ABCA3: variants seen among roughly 807,000 people sequenced by gnomAD.
ABCA3 encodes the protein ATP binding cassette subfamily A member 3, also known as phospholipid-transporting ATPase ABCA3.
In ABCA3, 88 loss-of-function variants were observed where a neutral mutation model predicts 172.8. The ratio of observed to expected loss-of-function variants is 0.51; its 90% confidence interval spans 0.43 to 0.61. The LOEUF (loss-of-function observed/expected upper bound fraction) is 0.61. Among genes scored for constraint, ABCA3 ranks in the 20% least tolerant of loss-of-function variants. The pLI, the probability that ABCA3 is intolerant of heterozygous loss-of-function variation, is 0.00. For synonymous variants in ABCA3, 1,066 were observed against 983.8 expected (o/e 1.08, Z -1.56); for missense variants, 2,164 against 2,301.0 (o/e 0.94, Z 1.22).
chr16:2,321,661 G>A (rs1385614309), intron 7 of ABCA3, among the ~76,000 whole-genome samples: 2 of 152,080 alleles, frequency 1.3e-5, no homozygotes, highest in Non-Finnish European at 2.9e-5. Context: ...TCCAAGACAA[G>A]ACCATGCTTC....
At position 2,308,463 on chromosome 16, in the gene ABCA3, T is replaced by G; in HGVS notation, c.1272A>C (p.Lys424Asn). The change falls in exon 11 of 33, where the codon AAA (lysine) becomes AAC (asparagine). Residue 424 changes from lysine (K) to asparagine (N), a missense_variant. Transcript: ENST00000301732. The part of the protein sequence containing the change: ...AMAMGAQLIG[K>N]FEAKGMGIQW... ...GCAAACACTCACCTTTCGCCTCAAA[T>G]TTCCCAATGAGCTGGGCTCCCATTG... The G allele has an allele frequency of 1.1e-5, 17 of 1,614,172 alleles. No individual in the cohort carries two copies. The highest frequency in any genetic ancestry group is 1.4e-5 in the Non-Finnish European group (17 of 1,180,004).
intron 5 of ABCA3, among the ~76,000 whole-genome samples, chr16:2,325,271 G>A (rs1476192308): frequency 2.6e-5 from 4 of 152,132 alleles, no homozygotes; most frequent in Non-Finnish European, 5.9e-5. Context: ...CCTGGCTCAA[G>A]TCCACCCAGG....
chr16:2,299,856 C>T, intron 13 of ABCA3, 149 bp downstream of exon 13: 1 of 1,158,804 alleles, frequency 8.6e-7, no homozygotes, highest in East Asian at 2.3e-5. Context: ...GGTTAGAGGG[C>T]AGCGGAGGGT....
intron 1 of ABCA3, chr16:2,339,182 G>A (rs532256080): frequency 6.6e-6 from 1 of 152,382 alleles, no homozygotes; most frequent in Non-Finnish European, 1.5e-5. Flanking sequence ...TGGCAAACTA[G>A]GGATCTTACC....
At position 2,297,013 on chromosome 16, in the gene ABCA3, G is replaced by A. The variant is rs914228011; in HGVS notation, c.2263+316C>T. Among the ~76,000 whole-genome samples, 15 of 152,308 alleles carry A rather than the reference G, an allele frequency of 9.8e-5. No homozygotes were observed. The highest frequency in any genetic ancestry group is 3.4e-4 in the African/African-American group (14 of 41,574). On this transcript the variant is annotated intron_variant, in intron 17 of 32. Coordinates refer to ENST00000301732, the MANE Select transcript of ABCA3 (RefSeq NM_001089.3). This position sits in a 1 kb window ranked among gnomAD's most constrained non-coding sequence, Gnocchi z 5.6. ...GCCATGCTGTGAGCTGCTCTCACGT[G>A]GGAGCTGCCATGTTGGTGCGTGTGT...
intron 1 of ABCA3, among the ~76,000 whole-genome samples, chr16:2,335,955 A>C (rs781216579): frequency 6.6e-4 from 101 of 152,300 alleles, no homozygotes; most frequent in Non-Finnish European, 1.4e-3. Context: ...CTTTTGTGAA[A>C]AGTTCCAAAT....
chr16:2,309,708 C>T (rs1448882215), intron 10 of ABCA3, among the ~76,000 whole-genome samples: 2 of 152,198 alleles, frequency 1.3e-5, no homozygotes, highest in Non-Finnish European at 2.9e-5. Context: ...GCCTCCACCT[C>T]CCGGGCCCAA....
intron 10 of ABCA3, among the ~76,000 whole-genome samples, chr16:2,313,551 A>ATCT (rs2093709924): frequency 8.7e-6 from 1 of 115,364 alleles, no homozygotes; most frequent in Admixed American, 8.7e-5. Context: ...AGACTCTGTC[A>ATCT]CAAAAAAAAA....
At chr16:2,316,140 G>GAAA (rs534232946) in intron 10 of ABCA3, among the ~76,000 whole-genome samples, 1 of 57,818 alleles carries the variant, frequency 1.7e-5, no homozygotes, top group Non-Finnish European at 3.4e-5. Flanking sequence ...AACATGGTGA[G>GAAA]AAAAAAAAAA....
chr16:2,299,512 C>T lies in ABCA3; in HGVS notation c.1632G>A (p.Lys544=), dbSNP rs1350792157. Residue 544 remains lysine (K), a synonymous_variant, in exon 14 of 33, where the codon AAG becomes AAA. Coordinates refer to ENST00000301732, the MANE Select transcript of ABCA3 (RefSeq NM_001089.3). The part of the protein sequence containing the change: ...HLSKVFRVGN[K]DRAAVRDLNL... ...TCAGGTCTCTGACGGCCGCCCTGTCCTTATTTCCCACCCTGAACACCTGCA... is the reference window on the plus strand; with the variant it reads ...TCAGGTCTCTGACGGCCGCCCTGTCTTTATTTCCCACCCTGAACACCTGCA... 1 of 1,613,658 alleles carries T rather than the reference C, an allele frequency of 6.2e-7. No individual in the cohort carries two copies. The highest frequency in any genetic ancestry group is 1.1e-5 in the South Asian group (1 of 91,074).
chr16:2,277,864 G>A lies in ABCA3; in HGVS notation c.4909+15C>T, dbSNP rs758683643. 3.8e-5 allele frequency: 61 copies of A among 1,607,594 alleles called. No homozygotes were observed. The East Asian group carries it at 4.0e-4, about 11-fold the overall frequency. On this transcript the variant is annotated intron_variant, in intron 31 of 32. Coordinates refer to ENST00000301732, the MANE Select transcript of ABCA3 (RefSeq NM_001089.3). This position sits in a 1 kb window ranked among gnomAD's most constrained non-coding sequence, Gnocchi z 5.3. ...CAGGGCCCACCCAGTGGGGGCTGCC[G>A]GGGCCGGCACACACCTGGAAAGGTC...
Position 2,286,616 on chromosome 16 carries a change from A to G in ABCA3, c.3278+78T>C. 6.4e-7 allele frequency: 1 copy of G among 1,574,350 alleles called. No individual in the cohort carries two copies. The highest frequency in any genetic ancestry group is 8.7e-7 in the Non-Finnish European group (1 of 1,153,366). On this transcript the variant is annotated intron_variant, in intron 22 of 32. Coordinates refer to ENST00000301732, the MANE Select transcript of ABCA3 (RefSeq NM_001089.3). This position sits in a 1 kb window ranked among gnomAD's most constrained non-coding sequence, Gnocchi z 5.2. ...GGAGGGCAGACACAATGCTCTATCT[A>G]TGGGCCCGTGGCAGTGCCCAGGGCA...
intron 11 of ABCA3, among the ~76,000 whole-genome samples, chr16:2,305,517 G>A (rs1309571767): frequency 2.0e-5 from 3 of 151,996 alleles, no homozygotes; most frequent in South Asian, 2.1e-4. Flanking sequence ...GGATGGTCTC[G>A]ATCTCTTGAC....
At chr16:2,315,691 G>T (rs1405780923) in intron 10 of ABCA3, among the ~76,000 whole-genome samples, 1 of 151,872 alleles carries the variant, frequency 6.6e-6, no homozygotes, top group Non-Finnish European at 1.5e-5. Context: ...TTGAGACAGG[G>T]TCCCTCTCGT....
intron 7 of ABCA3, among the ~76,000 whole-genome samples, chr16:2,320,471 C>A (rs1211428350): frequency 1.3e-5 from 2 of 151,362 alleles, no homozygotes; most frequent in East Asian, 3.9e-4. Context: ...CTCACTGCAA[C>A]GTCTGCCTCC....
intron 14 of ABCA3, 104 bp from the exon 15 acceptor site, chr16:2,298,644 A>G: frequency 6.9e-7 from 1 of 1,455,014 alleles, no homozygotes; most frequent in Non-Finnish European, 9.4e-7. Context: ...ATTTCCTCTG[A>G]GGACCCTGCC....
chr16:2,321,323 G>A (rs1487589740), intron 7 of ABCA3, among the ~76,000 whole-genome samples: 1 of 152,170 alleles, frequency 6.6e-6, no homozygotes, highest in Non-Finnish European at 1.5e-5. Flanking sequence ...GTTCATCTTA[G>A]TTCTAGATGT....
intron 10 of ABCA3, among the ~76,000 whole-genome samples, chr16:2,309,103 G>A (rs1028836217): frequency 6.6e-5 from 10 of 152,064 alleles, no homozygotes; most frequent in Non-Finnish European, 1.2e-4. Flanking sequence ...CCGCCACCAC[G>A]CCCGGCTAAT....
At chr16:2,318,402 G>C (rs917209637) in intron 8 of ABCA3, among the ~76,000 whole-genome samples, 1 of 152,174 alleles carries the variant, frequency 6.6e-6, no homozygotes, top group Non-Finnish European at 1.5e-5. Flanking sequence ...GTCCTGGGGC[G>C]GCCACACTGA....
Sources: gnomAD v4.1 joint callset for allele counts (sites outside exome capture counted in the v4.1 genomes callset) on GRCh38, gnomAD v4.1.1 for gene constraint, Gnocchi (gnomAD v3.1) non-coding constraint, MANE v1.5 for transcripts, NCBI Gene and HGNC (gene_info 2026-07-23, HGNC 2026-07-21) for gene names.